Variants in KDR observed in about 807,000 individuals in gnomAD.
KDR encodes kinase insert domain receptor.
A neutral mutation model predicts 160.9 loss-of-function variants in KDR; 43 were observed. That is an observed-to-expected ratio of 0.27 (90% CI 0.21 to 0.34). The LOEUF is 0.34. Ranked by LOEUF, KDR falls within the 10% of genes least tolerant of loss-of-function variation. The probability of loss-of-function intolerance (pLI) is 1.00; values close to 1 mark genes in which losing one functional copy is unlikely to be tolerated. For synonymous variants in KDR, 617 were observed against 600.1 expected (o/e 1.03, Z -0.41); for missense variants, 1,469 against 1,666.4 (o/e 0.88, Z 2.06).
intron 27 of KDR, among the ~76,000 whole-genome samples, chr4:55,083,869 GAGGATATGATACAC>G (rs1719795631): frequency 1.3e-5 from 2 of 152,328 alleles, no homozygotes; most frequent in South Asian, 2.1e-4. Context: ...CACAAGTTAA[GAGGATATGATACAC>G]AGGGTGCAAG....
At chr4:55,080,817 G>A (rs975940116) in intron 29 of KDR, among the ~76,000 whole-genome samples, 1 of 152,126 alleles carries the variant, frequency 6.6e-6, no homozygotes, top group African/African-American at 2.4e-5. Context: ...TAGAAATGCA[G>A]GCTGTGTTGA....
rs1720954850 is a variant in KDR, at chr4:55,123,725, G to C, written c.67+1502C>G. Among the ~76,000 whole-genome samples, 3 of 152,252 alleles carry C rather than the reference G, an allele frequency of 2.0e-5. No homozygotes were observed. The South Asian group carries it at 6.2e-4, about 32-fold the overall frequency. ...TACACATGCTACTACTCAATAAAAAGCCCTTCTATGTTCAAATCCCATAAC... is the reference window on the plus strand; with the variant it reads ...TACACATGCTACTACTCAATAAAAACCCCTTCTATGTTCAAATCCCATAAC... On this transcript the variant is annotated intron_variant, in intron 1 of 29. Transcript: ENST00000263923.
intron 1 of KDR, 90 bp downstream of exon 1, chr4:55,125,137 G>T: frequency 1.7e-6 from 2 of 1,191,338 alleles, no homozygotes; most frequent in Non-Finnish European, 1.2e-6. Context: ...CAACTCTCCA[G>T]CTCTACGATT....
At position 55,095,646 on chromosome 4, in the gene KDR, C is replaced by G; in HGVS notation, c.2748G>C (p.Val916=). The stretch of plus-strand genomic sequence containing the variant: ...ACAGGTTTCCAAATTTGCAGAATTC[C>G]ACAATCACCATGAGTGGCCCTGCAG... ...TKPGGPLMVI[V]EFCKFGNLST... is the part of the protein sequence containing the mutation. The change falls in exon 20 of 30, where the codon GTG becomes GTC. Residue 916 remains valine, a synonymous_variant. Coordinates refer to ENST00000263923, the MANE Select transcript of KDR (RefSeq NM_002253.4). 1 of 1,613,568 alleles carries G rather than the reference C, an allele frequency of 6.2e-7. No homozygotes were observed. The highest frequency in any genetic ancestry group is 8.5e-7 in the Non-Finnish European group (1 of 1,179,612).
intron 7 of KDR, among the ~76,000 whole-genome samples, chr4:55,112,258 C>T (rs1307332427): frequency 6.6e-6 from 1 of 152,084 alleles, no homozygotes; most frequent in Non-Finnish European, 1.5e-5. Flanking sequence ...CCTCTTCCCC[C>T]TTTTCCTCAG....
rs1449119482 is a variant in KDR, at chr4:55,098,759, T to C, written c.2311A>G (p.Thr771Ala). The C allele has an allele frequency of 6.2e-7, 1 of 1,613,402 alleles. No homozygotes were observed. Among genetic ancestry groups the C allele is most frequent in the Non-Finnish European group, 8.5e-7 (1 of 1,179,512 alleles). Residue 771 changes from threonine (T) to alanine (A), a missense_variant, in exon 16 of 30, where the codon ACG (threonine) becomes GCG (alanine). By Grantham distance (58) the Thr-to-Ala change is moderately conservative. Transcript: ENST00000263923. ...TNLEIIILVG[T>A]AVIAMFFWLL... ...CAGAAGAACATGGCAATCACCGCCG[T>C]GCCTACTAGAATAATGATTTCCAAG...
Position 55,089,977 on chromosome 4 carries a change from TG to T in KDR, c.3170del (p.Pro1057GlnfsTer13). 6.2e-7 allele frequency: 1 copy of T among 1,614,166 alleles called. No individual in the cohort carries two copies. Among genetic ancestry groups the T allele is most frequent in the Non-Finnish European group, 8.5e-7 (1 of 1,179,974 alleles). On this transcript the variant is annotated frameshift_variant, in exon 23 of 30. Coordinates refer to ENST00000263923, the MANE Select transcript of KDR (RefSeq NM_002253.4). LOFTEE classifies it high-confidence loss of function. Reference protein sequence around the residue: ...FGLARDIYKDPDYVRKGDARL... With the variant: ...FGLARDIYKDXDYVRKGDARL... ...TTACATCTCCTTTTCTGACATAATC[TG>T]GATCTTTATAAATATCCCGGGCCAA...
At chr4:55,103,483 G>T (rs1238941071) in intron 13 of KDR, among the ~76,000 whole-genome samples, 1 of 152,130 alleles carries the variant, frequency 6.6e-6, no homozygotes, top group Non-Finnish European at 1.5e-5. Flanking sequence ...ATATTTTCTG[G>T]GCACAGCTAG....
At position 55,110,584 on chromosome 4, in the gene KDR, C is replaced by T. The variant is rs1419285011; in HGVS notation, c.1092-18G>A. The stretch of plus-strand genomic sequence containing the variant: ...TTTTATACCTATGAAAAAAAATTCT[C>T]AGGAATTAGTATAGTCAAAGGATTT... On this transcript the variant is annotated intron_variant, in intron 8 of 29. Transcript: ENST00000263923. The T allele has an allele frequency of 6.2e-7, 1 of 1,613,504 alleles. No individual in the cohort carries two copies. The highest frequency in any genetic ancestry group is 1.7e-5 in the Admixed American group (1 of 59,982).
At chr4:55,080,499 C>T (rs1215071719) in intron 29 of KDR, among the ~76,000 whole-genome samples, 1 of 152,180 alleles carries the variant, frequency 6.6e-6, no homozygotes, top group African/African-American at 2.4e-5. Flanking sequence ...TATACAGTGA[C>T]AGGCGCCAAA....
intron 3 of KDR, among the ~76,000 whole-genome samples, chr4:55,117,071 C>T (rs1285817463): frequency 6.6e-6 from 1 of 152,210 alleles, no homozygotes; most frequent in African/African-American, 2.4e-5. Context: ...TGAAATATTA[C>T]ATAACTTGCT....
At chr4:55,096,198 T>G in intron 19 of KDR, 31 bp downstream of exon 19, 2 of 1,251,220 alleles carry the variant, frequency 1.6e-6, no homozygotes, top group Non-Finnish European at 2.3e-6. Context: ...ATGTTAAAAT[T>G]GGGTGACCAA....
intron 11 of KDR, 48 bp from the exon 12 acceptor site, chr4:55,105,988 T>C (rs915807549): frequency 3.4e-6 from 4 of 1,168,530 alleles, no homozygotes; most frequent in Non-Finnish European, 5.2e-6. Flanking sequence ...CGCGGCTGTT[T>C]GTGCACAAGC....
intron 29 of KDR, among the ~76,000 whole-genome samples, chr4:55,080,456 A>G (rs1719704541): frequency 2.0e-5 from 3 of 151,986 alleles, no homozygotes; most frequent in Admixed American, 2.0e-4. Context: ...AACTGATGGA[A>G]CATGTTTATG....
chr4:55,080,516 C>T (rs1211692068), intron 29 of KDR, among the ~76,000 whole-genome samples: 1 of 152,220 alleles, frequency 6.6e-6, no homozygotes, highest in Non-Finnish European at 1.5e-5. Context: ...CAAAGGGCCA[C>T]TTGCATGATA....
In KDR at chr4:55,102,411, A is replaced by C. The variant is rs1377502903; in HGVS notation, c.2085T>G (p.Pro695=). The C allele has an allele frequency of 6.2e-7, 1 of 1,613,654 alleles. No individual in the cohort carries two copies. Among genetic ancestry groups the C allele is most frequent in the Non-Finnish European group, 8.5e-7 (1 of 1,179,650 alleles). Residue 695 remains proline, a synonymous_variant, in exon 14 of 30, where the codon CCT becomes CCG. Coordinates refer to ENST00000263923, the MANE Select transcript of KDR (RefSeq NM_002253.4). ...TATCTTTAAACCACATGATCTGTGGAGGGGGATTCCCAGATGCCGTGCATG... is the reference window on the plus strand; with the variant it reads ...TATCTTTAAACCACATGATCTGTGGCGGGGGATTCCCAGATGCCGTGCATG... The part of the protein sequence containing the change: ...EVSCTASGNP[P]PQIMWFKDNE...
At chr4:55,118,955 T>A (rs1720799926) in intron 2 of KDR, among the ~76,000 whole-genome samples, 155 bp from the exon 3 acceptor site, 1 of 152,218 alleles carries the variant, frequency 6.6e-6, no homozygotes, top group South Asian at 2.1e-4. Flanking sequence ...ATGCCTATAA[T>A]CCCAGCACTT....
At position 55,092,512 on chromosome 4, in the gene KDR, T is replaced by C. The variant is rs1158086061; in HGVS notation, c.3069+105A>G. The stretch of plus-strand genomic sequence containing the variant: ...GCTCTTCTAAAAGACGTAGAAGTGG[T>C]GAATGAATTACAATCCCAAACAAGC... On this transcript the variant is annotated intron_variant, in intron 22 of 29. Transcript: ENST00000263923. 5 of 819,306 alleles carry C rather than the reference T, an allele frequency of 6.1e-6. No homozygotes were observed. In the African/African-American group the frequency reaches 6.7e-5, roughly 11 times the overall value. 50.8% of individuals were successfully genotyped at this position (819,306 alleles called of 1,614,324 possible).
rs997258862 is a variant in KDR, at chr4:55,110,592, A to G, written c.1092-26T>C. On this transcript the variant is annotated intron_variant, in intron 8 of 29. Transcript: ENST00000263923. Reference sequence around the variant, plus strand: ...CTATGAAAAAAAATTCTCAGGAATTAGTATAGTCAAAGGATTTGCTCTCAC... The same window carrying G: ...CTATGAAAAAAAATTCTCAGGAATTGGTATAGTCAAAGGATTTGCTCTCAC... 8 of 1,613,072 alleles carry G rather than the reference A, an allele frequency of 5.0e-6. No homozygotes were observed. The Admixed American group carries it at 6.7e-5, about 13-fold the overall frequency.
Sources: allele counts gnomAD v4.1 joint callset (sites outside exome capture counted in the v4.1 genomes callset), GRCh38; gene constraint gnomAD v4.1.1; transcripts MANE v1.5; gene names NCBI Gene and HGNC (gene_info 2026-07-23, HGNC 2026-07-21).